Variants in ANK2 observed in about 807,000 individuals in gnomAD.
The protein encoded by ANK2 is ankyrin 2.
In ANK2, 83 loss-of-function variants were observed where a neutral mutation model predicts 360.5. That is an observed-to-expected ratio of 0.23 (90% CI 0.19 to 0.28). The LOEUF is 0.28. ANK2 is among the 10% of genes least tolerant of loss of function. ANK2 has a pLI of 1.00. For synonymous variants in ANK2, 1,740 were observed against 1,759.5 expected (o/e 0.99, Z 0.28); for missense variants, 4,201 against 4,795.7 (o/e 0.88, Z 3.66).
At chr4:112,962,542 T>C (rs566663787) in intron 2 of ANK2, among the ~76,000 whole-genome samples, 1 of 152,218 alleles carries the variant, frequency 6.6e-6, no homozygotes, top group Non-Finnish European at 1.5e-5. Context: ...TGATCTATTT[T>C]CCTTTGGGTA....
chr4:113,176,730 T>C (rs541812717), intron 2 of ANK2, among the ~76,000 whole-genome samples: 17 of 152,230 alleles, frequency 1.1e-4, no homozygotes, highest in African/African-American at 3.9e-4. Context: ...GCTGCACCCA[T>C]TAACTCGTCA....
At chr4:112,858,524 A>G (rs2067014481) in intron 1 of ANK2, among the ~76,000 whole-genome samples, 1 of 152,186 alleles carries the variant, frequency 6.6e-6, no homozygotes, top group Non-Finnish European at 1.5e-5. Context: ...TGTCTAATCT[A>G]TTAGAACCAA....
the ANK2 span, among the ~76,000 whole-genome samples, chr4:112,762,736 C>T: frequency 6.6e-6 from 1 of 152,214 alleles, no homozygotes; most frequent in Non-Finnish European, 1.5e-5. Flanking sequence ...TCTGGAACTC[C>T]TGACCTCAGG....
chr4:113,351,574 G>T (rs1034011382), intron 37 of ANK2, among the ~76,000 whole-genome samples: 15 of 151,988 alleles, frequency 9.9e-5, no homozygotes, highest in Non-Finnish European at 1.9e-4. Context: ...TGCCCTCACT[G>T]ATTCCTTTTT....
intron 1 of ANK2, among the ~76,000 whole-genome samples, chr4:112,866,162 C>T (rs2070446691): frequency 6.6e-6 from 1 of 152,198 alleles, no homozygotes; most frequent in South Asian, 2.1e-4. Flanking sequence ...ACAGAATACT[C>T]TTAATTATCA....
intron 1 of ANK2, among the ~76,000 whole-genome samples, chr4:113,173,220 T>C (rs1562606040): frequency 6.6e-6 from 1 of 152,192 alleles, no homozygotes; most frequent in Non-Finnish European, 1.5e-5. Flanking sequence ...TGTAAATCAT[T>C]TTAACAGTAT....
chr4:112,890,028 A>G (rs987021947), intron 1 of ANK2, among the ~76,000 whole-genome samples: 2 of 152,244 alleles, frequency 1.3e-5, no homozygotes, highest in Non-Finnish European at 2.9e-5. Context: ...AAGACATGCT[A>G]TGAGGAGAGA....
the ANK2 span, among the ~76,000 whole-genome samples, chr4:112,779,674 G>A: frequency 2.7e-4 from 41 of 152,130 alleles, no homozygotes; most frequent in Non-Finnish European, 4.3e-4. Context: ...TTTCCTCAAA[G>A]TTCTGGAATG....
chr4:113,219,604 G>A (rs362477), intron 4 of ANK2, among the ~76,000 whole-genome samples: 4,241 of 152,178 alleles, frequency 0.028, 98 homozygotes, highest in East Asian at 0.067. Context: ...TGCAAGAGCA[G>A]ATTTACTTTC....
chr4:113,237,490 T>C, intron 6 of ANK2, 109 bp from the exon 7 acceptor site: 2 of 1,096,994 alleles, frequency 1.8e-6, no homozygotes, highest in East Asian at 2.4e-5. Context: ...GTAGAATGCA[T>C]TTTGCCATGT....
At chr4:113,252,572 C>G (rs879829398) in intron 10 of ANK2, among the ~76,000 whole-genome samples, 1 of 151,994 alleles carries the variant, frequency 6.6e-6, no homozygotes, top group Non-Finnish European at 1.5e-5. Flanking sequence ...AACTCTAAAC[C>G]CTCTATCTAT....
chr4:113,058,035 T>C (rs2071031149), intron 1 of ANK2, among the ~76,000 whole-genome samples: 1 of 152,148 alleles, frequency 6.6e-6, no homozygotes, highest in South Asian at 2.1e-4. Flanking sequence ...TTCCCCTCCT[T>C]TCCATTTCCT....
intron 36 of ANK2, among the ~76,000 whole-genome samples, chr4:113,348,524 G>A (rs575226980): frequency 6.6e-6 from 1 of 152,020 alleles, no homozygotes; most frequent in Non-Finnish European, 1.5e-5. Context: ...TTGCCATGTC[G>A]CTATGCAATA....
chr4:113,330,156 G>C, intron 26 of ANK2, 90 bp from the exon 27 acceptor site: 1 of 1,260,656 alleles, frequency 7.9e-7, no homozygotes, highest in Non-Finnish European at 1.1e-6. Context: ...GAGATTTTGA[G>C]ACAAAGCATT....
intron 45 of ANK2, among the ~76,000 whole-genome samples, chr4:113,379,277 A>G (rs1279306595): frequency 2.0e-5 from 3 of 152,218 alleles, no homozygotes; most frequent in Admixed American, 6.5e-5. Flanking sequence ...TCAAACAGGA[A>G]TAGATTTAGA....
In ANK2 at chr4:113,356,638, A is replaced by G; in HGVS notation, c.8020A>G (p.Lys2674Glu). 1 of 1,614,086 alleles carries G rather than the reference A, an allele frequency of 6.2e-7. No homozygotes were observed. The highest frequency in any genetic ancestry group is 1.1e-5 in the South Asian group (1 of 91,076). ...SESEPELAQL[K>E]KGADSGLLPE... ...AAGTGAACCTGAGTTGGCACAGCTT[A>G]AAAAAGGTGCTGACTCAGGCCTTTT... is the stretch of plus-strand genomic sequence containing the variant. The change falls in exon 38 of 46, where the codon AAA (lysine) becomes GAA (glutamate). Residue 2674 changes from lysine to glutamate, a missense_variant. Physicochemically the swap from Lys to Glu is moderately conservative, Grantham distance 56. Coordinates refer to ENST00000357077, the MANE Select transcript of ANK2 (RefSeq NM_001148.6).
chr4:112,875,533 A>G (rs1378659463), intron 1 of ANK2, among the ~76,000 whole-genome samples: 32 of 149,030 alleles, frequency 2.1e-4, no homozygotes, highest in Admixed American at 2.1e-3. Context: ...TGAGAATCTT[A>G]CTATTTTGTG....
chr4:112,710,586 T>C, the ANK2 span, among the ~76,000 whole-genome samples: 1 of 151,692 alleles, frequency 6.6e-6, no homozygotes, highest in South Asian at 2.1e-4. Context: ...CAATCCCAGC[T>C]ACCCGGGAGG....
chr4:113,249,848 C>G lies in ANK2; in HGVS notation c.976C>G (p.Leu326Val). The change falls in exon 10 of 46, where the codon CTG becomes GTG. Residue 326 changes from leucine (L) to valine (V), a missense_variant. Coordinates refer to ENST00000357077, the MANE Select transcript of ANK2 (RefSeq NM_001148.6). ...ELLLERGAPL[L>V]ARTKNGLSPL... is the part of the protein sequence containing the mutation. ...TCTGTTGGAACGGGGTGCCCCCTTG[C>G]TGGCAAGGACTAAGGTGAGTCATTA... is the stretch of plus-strand genomic sequence containing the variant. 1 of 1,614,010 alleles carries G rather than the reference C, an allele frequency of 6.2e-7. No homozygotes were observed. Among genetic ancestry groups the G allele is most frequent in the South Asian group, 1.1e-5 (1 of 90,992 alleles).
Sources: gnomAD v4.1 joint callset for allele counts (sites outside exome capture counted in the v4.1 genomes callset) on GRCh38, gnomAD v4.1.1 for gene constraint, MANE v1.5 for transcripts, NCBI Gene and HGNC (gene_info 2026-07-23, HGNC 2026-07-21) for gene names.